Variants in UBE2K observed in about 807,000 individuals in gnomAD.
UBE2K encodes ubiquitin conjugating enzyme E2 K, also known as ubiquitin-conjugating enzyme E2 K.
UBE2K carries 6 observed loss-of-function variants against 30.0 expected under a neutral mutation model. The ratio of observed to expected loss-of-function variants is 0.20; its 90% confidence interval spans 0.11 to 0.39. The LOEUF (loss-of-function observed/expected upper bound fraction) is 0.39, where lower values mean the gene tolerates loss of function less well. Ranked by LOEUF, UBE2K falls within the 10% of genes least tolerant of loss-of-function variation. The pLI is 1.00. For missense variants in UBE2K, 61 were observed against 241.6 expected (o/e 0.25, Z 4.96); for synonymous variants, 86 against 83.7 (o/e 1.03, Z -0.15).
At chr4:39,756,800 TTAAG>T (rs1194668622) in intron 4 of UBE2K, among the ~76,000 whole-genome samples, 2 of 152,112 alleles carry the variant, frequency 1.3e-5, no homozygotes, top group Non-Finnish European at 2.9e-5. Context: ...AAAAAATCAA[TTAAG>T]TGAGTGTCTA....
intron 4 of UBE2K, among the ~76,000 whole-genome samples, chr4:39,768,323 T>C (rs1712486205): frequency 6.7e-6 from 1 of 148,210 alleles, no homozygotes. Context: ...CAGGCGCCTG[T>C]AATCCCAGCC....
At chr4:39,746,716 C>T (rs1395453064) in intron 3 of UBE2K, among the ~76,000 whole-genome samples, 2 of 152,200 alleles carry the variant, frequency 1.3e-5, no homozygotes, top group Non-Finnish European at 2.9e-5. Context: ...TATTCTTCCA[C>T]AGCTTTCTAT....
At position 39,782,177 on chromosome 4, in the gene UBE2K, A is replaced by G. The variant is rs771476490; in HGVS notation, c.*3743A>G. The G allele has an allele frequency of 1.8e-5, 7 of 385,472 alleles. No individual in the cohort carries two copies. Among genetic ancestry groups the G allele is most frequent in the African/African-American group, 4.1e-5 (2 of 48,270 alleles). 23.9% of individuals were successfully genotyped at this position (385,472 alleles called of 1,614,324 possible). A position where few individuals can be genotyped will look rare whatever the true frequency, so the allele number is the denominator to read the frequency against. On this transcript the variant is annotated 3_prime_UTR_variant, in exon 7 of 7. Transcript: ENST00000261427. ...TGTCACCTTTTGCTTGGTTATTTCA[A>G]CCATGCTGCTATATATAATCAGGTG... is the stretch of plus-strand genomic sequence containing the variant.
intron 1 of UBE2K, among the ~76,000 whole-genome samples, chr4:39,730,060 A>G (rs1719985849): frequency 6.6e-6 from 1 of 152,252 alleles, no homozygotes; most frequent in East Asian, 1.9e-4. Flanking sequence ...TGATCATTAT[A>G]CTACCAATAT....
At chr4:39,708,639 A>G (rs553230433) in intron 1 of UBE2K, among the ~76,000 whole-genome samples, 121 of 152,178 alleles carry the variant, frequency 8.0e-4, no homozygotes, top group African/African-American at 2.6e-3. Context: ...CTTAAGAAAA[A>G]TATAGTGTCT....
intron 2 of UBE2K, among the ~76,000 whole-genome samples, chr4:39,743,342 G>A (rs1314253890): frequency 6.6e-6 from 1 of 152,176 alleles, no homozygotes; most frequent in Non-Finnish European, 1.5e-5. Context: ...AGTGGCTCAT[G>A]CCTGTAATCC....
intron 1 of UBE2K, among the ~76,000 whole-genome samples, chr4:39,735,981 A>T (rs1720355571): frequency 6.7e-6 from 1 of 149,490 alleles, no homozygotes; most frequent in South Asian, 2.1e-4. Flanking sequence ...GTACTAAAAA[A>T]TATTTAACAT....
At chr4:39,734,547 C>T (rs999891101) in intron 1 of UBE2K, among the ~76,000 whole-genome samples, 2 of 152,068 alleles carry the variant, frequency 1.3e-5, no homozygotes, top group Non-Finnish European at 2.9e-5. Context: ...CCTGTAATCG[C>T]AGCACTTTTG....
chr4:39,718,309 C>G (rs1719219200), intron 1 of UBE2K, among the ~76,000 whole-genome samples: 1 of 152,212 alleles, frequency 6.6e-6, no homozygotes, highest in African/African-American at 2.4e-5. Context: ...TTTACAAACC[C>G]TGAGCTAGAC....
chr4:39,777,913 GCCTGGGCAACAT>G (rs1713368502), intron 6 of UBE2K, 103 bp downstream of exon 6: 1 of 1,159,766 alleles, frequency 8.6e-7, no homozygotes, highest in Non-Finnish European at 1.1e-6. Flanking sequence ...GAAATTCGCA[GCCTGGGCAACAT>G]GGCGAAACCC....
rs11323808 is a variant in UBE2K at position 39,736,013 on chromosome 4, G to GT, written c.64-1396dup. Among the ~76,000 whole-genome samples, 218 of 149,236 alleles carry GT rather than the reference G, an allele frequency of 1.5e-3. 1 individual carries two copies. The highest frequency in any genetic ancestry group is 4.8e-3 in the African/African-American group (196 of 40,994). On this transcript the variant is annotated intron_variant, in intron 1 of 6. Coordinates refer to ENST00000261427, the MANE Select transcript of UBE2K (RefSeq NM_005339.5). Reference sequence around the variant, plus strand: ...ACATAGAAAAAGAGTAAAAATTGTGGTTTTTTTTTTTGGGTTGGAGGAGGA... The same window carrying GT: ...ACATAGAAAAAGAGTAAAAATTGTGGTTTTTTTTTTTTGGGTTGGAGGAGGA...
intron 3 of UBE2K, among the ~76,000 whole-genome samples, chr4:39,749,886 CCT>C (rs1312390109): frequency 6.6e-6 from 1 of 151,702 alleles, no homozygotes; most frequent in Non-Finnish European, 1.5e-5. Context: ...GCTTTGAGAC[CCT>C]GTCTCAAAAA....
chr4:39,735,437 G>T (rs917751776), intron 1 of UBE2K, among the ~76,000 whole-genome samples: 1 of 152,166 alleles, frequency 6.6e-6, no homozygotes, highest in South Asian at 2.1e-4. Flanking sequence ...CTGGAGTGCA[G>T]TGGCGTGATC....
At chr4:39,702,231 CTTTTTTTTTTTTTTTTTTTTTTTTTTTT>C (rs564712672) in intron 1 of UBE2K, among the ~76,000 whole-genome samples, 1 of 67,390 alleles carries the variant, frequency 1.5e-5, no homozygotes, top group Non-Finnish European at 2.7e-5. Context: ...CTTTTCTTTT[CTTTTTTTTTTTTTTTTTTTTTTTTTTTT>C]TTTTTTTTTT....
At chr4:39,732,895 C>T (rs1484555382) in intron 1 of UBE2K, among the ~76,000 whole-genome samples, 2 of 151,906 alleles carry the variant, frequency 1.3e-5, no homozygotes, top group East Asian at 1.9e-4. Context: ...AGGCTGGTCT[C>T]AAGTTTCTTG....
intron 2 of UBE2K, among the ~76,000 whole-genome samples, chr4:39,742,294 T>C (rs1029038532): frequency 1.3e-5 from 2 of 152,202 alleles, no homozygotes; most frequent in Non-Finnish European, 2.9e-5. Context: ...TAGACAGTTA[T>C]TGTCACAAAA....
chr4:39,714,245 T>G (rs189381918), intron 1 of UBE2K: 2 of 180,858 alleles, frequency 1.1e-5, no homozygotes. Context: ...TTCAGCCTTG[T>G]TTTCAACATT....
intron 4 of UBE2K, among the ~76,000 whole-genome samples, chr4:39,773,471 A>G (rs1713059032): frequency 6.6e-6 from 1 of 151,980 alleles, no homozygotes. Flanking sequence ...CCATCTCAAG[A>G]AAATAAAAGA....
intron 4 of UBE2K, among the ~76,000 whole-genome samples, chr4:39,768,040 A>G (rs1358394701): frequency 1.3e-5 from 2 of 152,174 alleles, no homozygotes; most frequent in Non-Finnish European, 2.9e-5. Context: ...TTATGCTGAT[A>G]ACATCTAGGT....
Sources: gnomAD v4.1 joint callset for allele counts (sites outside exome capture counted in the v4.1 genomes callset) on GRCh38, gnomAD v4.1.1 for gene constraint, MANE v1.5 for transcripts, NCBI Gene and HGNC (gene_info 2026-07-23, HGNC 2026-07-21) for gene names.